Variants in BMAL1 observed in about 807,000 individuals in gnomAD.
BMAL1 encodes the protein basic helix-loop-helix ARNT like 1, also known as basic helix-loop-helix ARNT-like protein 1.
chr11:13,375,788 C>G, the BMAL1 span: 2 of 1,519,706 alleles, frequency 1.3e-6, no homozygotes, highest in Non-Finnish European at 1.8e-6. Flanking sequence ...ATATCTGAAG[C>G]TCCCCTTGCT....
At chr11:13,366,798 GC>G in the BMAL1 span, 1 of 1,605,692 alleles carries the variant, frequency 6.2e-7, no homozygotes, top group Middle Eastern at 1.7e-4. Flanking sequence ...TACCAGAGAG[GC>G]CTCGCATTTC....
chr11:13,347,757 G>A, the BMAL1 span, among the ~76,000 whole-genome samples: 1 of 152,186 alleles, frequency 6.6e-6, no homozygotes, highest in Non-Finnish European at 1.5e-5. Context: ...AACTGAGGCA[G>A]GAGGATAGTT....
the BMAL1 span, among the ~76,000 whole-genome samples, chr11:13,277,325 C>G: frequency 9.2e-5 from 14 of 152,210 alleles, no homozygotes; most frequent in Admixed American, 3.9e-4. Flanking sequence ...CGGCAGGGGA[C>G]CCAGAGAAGA....
At chr11:13,294,929 G>A in the BMAL1 span, among the ~76,000 whole-genome samples, 1 of 152,200 alleles carries the variant, frequency 6.6e-6, no homozygotes. Flanking sequence ...ACTGAAGAGA[G>A]CACATTGCTG....
At chr11:13,360,436 T>C in the BMAL1 span, 1 of 1,606,556 alleles carries the variant, frequency 6.2e-7, no homozygotes, top group Admixed American at 1.7e-5. Flanking sequence ...TATGTTCAAT[T>C]ATGGGATTGT....
chr11:13,325,657 TTG>T, the BMAL1 span, among the ~76,000 whole-genome samples: 595 of 134,408 alleles, frequency 4.4e-3, 6 homozygotes, highest in African/African-American at 0.015. Flanking sequence ...TTGAGACCTT[TTG>T]TGTGTGTGTG....
chr11:13,328,101 T>A, the BMAL1 span, among the ~76,000 whole-genome samples: 2 of 152,298 alleles, frequency 1.3e-5, no homozygotes, highest in East Asian at 3.9e-4. Context: ...CCTGGCCATT[T>A]TGATGAGATG....
the BMAL1 span, among the ~76,000 whole-genome samples, chr11:13,373,910 A>T: frequency 1.3e-5 from 2 of 152,096 alleles, no homozygotes; most frequent in African/African-American, 4.8e-5. Context: ...CCTTGATTAA[A>T]TTCAGATGCC....
the BMAL1 span, among the ~76,000 whole-genome samples, chr11:13,302,465 C>T: frequency 6.6e-6 from 1 of 152,194 alleles, no homozygotes; most frequent in Non-Finnish European, 1.5e-5. Context: ...GGTGACTTTT[C>T]TGCAGCCTAA....
At chr11:13,372,447 G>C in the BMAL1 span, 1 of 1,605,456 alleles carries the variant, frequency 6.2e-7, no homozygotes, top group South Asian at 1.1e-5. Flanking sequence ...AATGATGGTA[G>C]AGGATTTTCA....
At chr11:13,325,932 C>T in the BMAL1 span, among the ~76,000 whole-genome samples, 6 of 151,782 alleles carry the variant, frequency 4.0e-5, no homozygotes, top group East Asian at 1.9e-4. Context: ...GGGCCGGGGG[C>T]GGTGGCTCAC....
At chr11:13,340,394 C>T in the BMAL1 span, among the ~76,000 whole-genome samples, 1 of 152,246 alleles carries the variant, frequency 6.6e-6, no homozygotes, top group Non-Finnish European at 1.5e-5. Context: ...TCTTATCTCC[C>T]TGAGCAGCTC....
At chr11:13,354,295 T>A in the BMAL1 span, 68 of 1,392,078 alleles carry the variant, frequency 4.9e-5, no homozygotes, top group Admixed American at 5.8e-4. Flanking sequence ...CTTGTAACAA[T>A]TCCAGATCAT....
chr11:13,331,545 C>A, the BMAL1 span, among the ~76,000 whole-genome samples: 2 of 152,326 alleles, frequency 1.3e-5, no homozygotes, highest in Middle Eastern at 3.4e-3. Context: ...CAGAGACAGG[C>A]AATCCCAAGT....
the BMAL1 span, among the ~76,000 whole-genome samples, chr11:13,340,910 G>T: frequency 2.0e-5 from 3 of 152,180 alleles, no homozygotes; most frequent in Admixed American, 1.3e-4. Context: ...CAACAACCCA[G>T]TGCGGGGAAT....
the BMAL1 span, among the ~76,000 whole-genome samples, chr11:13,342,820 G>A: frequency 6.6e-6 from 1 of 152,162 alleles, no homozygotes; most frequent in African/African-American, 2.4e-5. Context: ...AGATGGGACT[G>A]GCCTGTGTTT....
the BMAL1 span, among the ~76,000 whole-genome samples, chr11:13,324,814 A>C: frequency 2.0e-5 from 3 of 152,236 alleles, no homozygotes; most frequent in Non-Finnish European, 2.9e-5. Flanking sequence ...ATGCAAGCGA[A>C]GACTTTGGAG....
the BMAL1 span, among the ~76,000 whole-genome samples, chr11:13,357,830 C>A: frequency 1.3e-5 from 2 of 152,208 alleles, no homozygotes; most frequent in African/African-American, 4.8e-5. The surrounding 1 kb of genome is among the most constrained non-coding windows in gnomAD (Gnocchi z 4.8). Context: ...GTCAGTGTCA[C>A]CCTGCCTCAG....
At chr11:13,279,344 CACG>C in the BMAL1 span, among the ~76,000 whole-genome samples, 1 of 152,192 alleles carries the variant, frequency 6.6e-6, no homozygotes, top group Non-Finnish European at 1.5e-5. Flanking sequence ...ATTCATTTCC[CACG>C]ACACCTGCTT....
Sources: allele counts gnomAD v4.1 joint callset (sites outside exome capture counted in the v4.1 genomes callset), GRCh38; gene constraint gnomAD v4.1.1; non-coding constraint Gnocchi (gnomAD v3.1); transcripts MANE v1.5; gene names NCBI Gene and HGNC (gene_info 2026-07-23, HGNC 2026-07-21).